NDUFS6: variants seen among roughly 807,000 people sequenced by gnomAD.
NDUFS6 encodes NADH:ubiquinone oxidoreductase subunit S6, also known as NADH dehydrogenase [ubiquinone] iron-sulfur protein 6, mitochondrial.
In NDUFS6, 14 loss-of-function variants were observed where a neutral mutation model predicts 13.2. That is an observed-to-expected ratio of 1.06 (90% CI 0.70 to 1.66). The LOEUF (loss-of-function observed/expected upper bound fraction) is 1.66. NDUFS6 is among the 40% of genes most tolerant of loss of function. The pLI, the probability that NDUFS6 is intolerant of heterozygous loss-of-function variation, is 0.00. For missense variants in NDUFS6, 206 were observed against 170.8 expected (o/e 1.21, Z -1.15); for synonymous variants, 95 against 72.3 (o/e 1.31, Z -1.60).
intron 2 of NDUFS6, among the ~76,000 whole-genome samples, chr5:1,807,609 T>G (rs1056801425): frequency 6.6e-6 from 1 of 152,162 alleles, no homozygotes. Flanking sequence ...AGGCTGAGGC[T>G]GGGCCCACGC....
rs1579218818 is a variant in NDUFS6, at chr5:1,814,893, A to C, written c.309+432A>C. On this transcript the variant is annotated intron_variant, in intron 3 of 3. Transcript: ENST00000274137. The surrounding 1 kb of genome is among the most constrained non-coding windows in gnomAD (Gnocchi z 4.9). ...GGCCTCGCTCCGGGGCTTGCAGATG[A>C]GGTCTCCTCCCTGTGTCTTCACAGG... Among the ~76,000 whole-genome samples the C allele has an allele frequency of 6.6e-6, 1 of 152,066 alleles. No individual in the cohort carries two copies. The highest frequency in any genetic ancestry group is 2.4e-5 in the African/African-American group (1 of 41,370).
intron 2 of NDUFS6, among the ~76,000 whole-genome samples, chr5:1,810,985 T>C (rs1411591106): frequency 6.6e-6 from 1 of 152,112 alleles, no homozygotes; most frequent in Admixed American, 6.5e-5. Flanking sequence ...AACCCTCCCT[T>C]CCTCCTCCTC....
intron 2 of NDUFS6, among the ~76,000 whole-genome samples, chr5:1,806,244 A>G (rs1734119898): frequency 6.6e-6 from 1 of 152,206 alleles, no homozygotes; most frequent in Non-Finnish European, 1.5e-5. Flanking sequence ...AGGATCACGG[A>G]ACAGCTGGGG....
At chr5:1,803,438 G>A (rs1734080122) in intron 2 of NDUFS6, among the ~76,000 whole-genome samples, 2 of 152,206 alleles carry the variant, frequency 1.3e-5, no homozygotes, top group Non-Finnish European at 2.9e-5. Context: ...CAGGATCATG[G>A]TGGTGGAGAG....
intron 2 of NDUFS6, among the ~76,000 whole-genome samples, chr5:1,811,365 A>AC (rs111303370): frequency 5.9e-5 from 9 of 151,952 alleles, no homozygotes; most frequent in East Asian, 3.9e-4. Context: ...TAAAAAAAAA[A>AC]CAAAATAACA....
intron 1 of NDUFS6, chr5:1,802,042 G>C: frequency 2.1e-6 from 1 of 476,592 alleles, no homozygotes; most frequent in Non-Finnish European, 3.7e-6. Flanking sequence ...AGAAGGTTGG[G>C]GGCGGTTCTC....
At chr5:1,807,960 G>A (rs544700607) in intron 2 of NDUFS6, among the ~76,000 whole-genome samples, 26 of 152,338 alleles carry the variant, frequency 1.7e-4, no homozygotes, top group African/African-American at 5.1e-4. Flanking sequence ...TTGTGGTGCC[G>A]CTGGAGCTCC....
chr5:1,810,178 C>T (rs956622825), intron 2 of NDUFS6, among the ~76,000 whole-genome samples: 4 of 152,150 alleles, frequency 2.6e-5, no homozygotes, highest in Admixed American at 6.5e-5. Flanking sequence ...CACTCTGGGG[C>T]GGGGACGCTG....
intron 2 of NDUFS6, among the ~76,000 whole-genome samples, chr5:1,807,824 C>T (rs1182610773): frequency 6.6e-6 from 1 of 152,236 alleles, no homozygotes; most frequent in Non-Finnish European, 1.5e-5. Flanking sequence ...GGGATGCCAC[C>T]AGAGAGCTGA....
In NDUFS6 at chr5:1,801,492, C is replaced by T. The variant is rs770831800; in HGVS notation, c.75C>T (p.Ala25=). Residue 25 remains alanine, a synonymous_variant, in exon 1 of 4, where the codon GCC becomes GCT. Transcript: ENST00000274137. ...CGGCGCGGAGCCTGCCCCTGGGCGC[C>T]AGGTGTTTCGGGGTGCGGGTCTCGC... ...GEAARSLPLG[A]RCFGVRVSPT... 1.2e-6 allele frequency: 2 copies of T among 1,602,606 alleles called. No homozygotes were observed. Among genetic ancestry groups the T allele is most frequent in the Non-Finnish European group, 1.7e-6 (2 of 1,178,842 alleles).
intron 2 of NDUFS6, among the ~76,000 whole-genome samples, chr5:1,805,211 G>C (rs986050944): frequency 1.3e-5 from 2 of 152,170 alleles, no homozygotes; most frequent in Admixed American, 6.5e-5. Context: ...CATGCCTGTA[G>C]CTCAAGCAAC....
intron 2 of NDUFS6, among the ~76,000 whole-genome samples, chr5:1,813,443 C>G (rs1370383750): frequency 6.6e-6 from 1 of 152,164 alleles, no homozygotes; most frequent in Non-Finnish European, 1.5e-5. Flanking sequence ...AGTAACTGTT[C>G]AGTGCTTTCT....
In NDUFS6 at chr5:1,814,591, C is replaced by A. The variant is rs1389691135; in HGVS notation, c.309+130C>A. The A allele has an allele frequency of 7.3e-7, 1 of 1,379,024 alleles. No homozygotes were observed. Among genetic ancestry groups the A allele is most frequent in the East Asian group, 2.5e-5 (1 of 40,648 alleles). 85.4% of individuals were successfully genotyped at this position (1,379,024 alleles called of 1,614,324 possible). ...CGAGGCGGCCCTTACGGGGTTCACACTGCTGGCACATTCACCCTACAGCGC... is the reference window on the plus strand; with the variant it reads ...CGAGGCGGCCCTTACGGGGTTCACAATGCTGGCACATTCACCCTACAGCGC... On this transcript the variant is annotated intron_variant, in intron 3 of 3. Coordinates refer to ENST00000274137, the MANE Select transcript of NDUFS6 (RefSeq NM_004553.6). This position sits in a 1 kb window ranked among gnomAD's most constrained non-coding sequence, Gnocchi z 4.9.
rs1734061417 is a variant in NDUFS6 at position 1,802,386 on chromosome 5, A to C, written c.186+12A>C. On this transcript the variant is annotated intron_variant, in intron 2 of 3. Transcript: ENST00000274137. ...GTCGTCAGAAAGAGGTGAGTAAAAAATCTAGTGAAGAGAGGTAAGCTTTCC... is the reference window on the plus strand; with the variant it reads ...GTCGTCAGAAAGAGGTGAGTAAAAACTCTAGTGAAGAGAGGTAAGCTTTCC... The C allele has an allele frequency of 6.2e-7, 1 of 1,612,078 alleles. No homozygotes were observed. Among genetic ancestry groups the C allele is most frequent in the African/African-American group, 1.3e-5 (1 of 74,900 alleles).
At chr5:1,802,446 T>C in intron 2 of NDUFS6, 72 bp downstream of exon 2, 1 of 1,246,296 alleles carries the variant, frequency 8.0e-7, no homozygotes, top group Non-Finnish European at 1.1e-6. Flanking sequence ...AAATAAAAAT[T>C]AATATATAAG....
chr5:1,803,099 A>G (rs1363168693), intron 2 of NDUFS6, among the ~76,000 whole-genome samples: 2 of 152,146 alleles, frequency 1.3e-5, no homozygotes, highest in Non-Finnish European at 2.9e-5. Flanking sequence ...TCTTCTTGTT[A>G]ACACCGTAGC....
At chr5:1,806,403 G>T (rs1734123562) in intron 2 of NDUFS6, among the ~76,000 whole-genome samples, 1 of 152,180 alleles carries the variant, frequency 6.6e-6, no homozygotes, top group African/African-American at 2.4e-5. Context: ...CACCTAGGCT[G>T]GCAGGGTTGA....
intron 2 of NDUFS6, 60 bp downstream of exon 2, chr5:1,802,434 A>G: frequency 7.3e-7 from 1 of 1,370,648 alleles, no homozygotes. Flanking sequence ...GTAACCAACA[A>G]GAAATAAAAA....
chr5:1,814,208 T>C lies in NDUFS6; in HGVS notation c.187-131T>C, dbSNP rs1734265837. On this transcript the variant is annotated intron_variant, in intron 2 of 3. Coordinates refer to ENST00000274137, the MANE Select transcript of NDUFS6 (RefSeq NM_004553.6). The surrounding 1 kb of genome is among the most constrained non-coding windows in gnomAD (Gnocchi z 4.9). ...GCCCTGAATTTAATAAGGTCTACAA[T>C]GATAATAGTTAAATGAAGCATGCAC... is the stretch of plus-strand genomic sequence containing the variant. 1 of 1,312,712 alleles carries C rather than the reference T, an allele frequency of 7.6e-7. No individual in the cohort carries two copies. Among genetic ancestry groups the C allele is most frequent in the African/African-American group, 1.5e-5 (1 of 68,302 alleles). The allele number at this position is 1,312,712 out of a possible 1,614,324, so 81.3% of individuals were successfully genotyped here.
Sources: gnomAD v4.1 joint callset for allele counts (sites outside exome capture counted in the v4.1 genomes callset) on GRCh38, gnomAD v4.1.1 for gene constraint, Gnocchi (gnomAD v3.1) non-coding constraint, MANE v1.5 for transcripts, NCBI Gene and HGNC (gene_info 2026-07-23, HGNC 2026-07-21) for gene names.